Variants in PPP2R3C observed in about 807,000 individuals in gnomAD.
PPP2R3C encodes serine/threonine-protein phosphatase 2A regulatory subunit B'' subunit gamma.
A neutral mutation model predicts 63.7 loss-of-function variants in PPP2R3C; 47 were observed. That is an observed-to-expected ratio of 0.74 (90% confidence interval 0.58 to 0.94). PPP2R3C has a LOEUF of 0.94. Among genes scored for constraint, PPP2R3C ranks in the 40% least tolerant of loss-of-function variants. PPP2R3C has a pLI of 0.00. For missense variants in PPP2R3C, 421 were observed against 518.4 expected (o/e 0.81, Z 1.82); for synonymous variants, 180 against 177.4 (o/e 1.01, Z -0.12).
chr14:35,091,931 G>A (rs2045832900), intron 10 of PPP2R3C, among the ~76,000 whole-genome samples: 1 of 151,862 alleles, frequency 6.6e-6, no homozygotes, highest in Admixed American at 6.6e-5. Flanking sequence ...TGTTACCCAA[G>A]CTGGTCTCAA....
chr14:35,116,679 G>A lies in PPP2R3C; in HGVS notation c.117C>T (p.Tyr39=), dbSNP rs1282244551. ...DEEMDLFTKY[Y]SEWKGGRKNT... ...TTTTTCTACCTCCTTTCCATTCGGA[G>A]TAATATTTTGTAAATAAATCCATTT... Residue 39 remains tyrosine, a synonymous_variant, in exon 2 of 13, where the codon TAC becomes TAT. Transcript: ENST00000261475. 6.3e-7 allele frequency: 1 copy of A among 1,593,514 alleles called. No homozygotes were observed. Among genetic ancestry groups the A allele is most frequent in the Non-Finnish European group, 8.6e-7 (1 of 1,166,386 alleles).
At chr14:35,088,078 A>G (rs2045667628) in intron 11 of PPP2R3C, 68 bp from the exon 12 acceptor site, 1 of 1,070,948 alleles carries the variant, frequency 9.3e-7, no homozygotes, top group Non-Finnish European at 1.4e-6. Flanking sequence ...TTGCCCTACA[A>G]CCCCTTTCTA....
intron 1 of PPP2R3C, among the ~76,000 whole-genome samples, chr14:35,117,828 G>A (rs2046752088): frequency 1.3e-5 from 2 of 152,020 alleles, no homozygotes; most frequent in Non-Finnish European, 2.9e-5. Context: ...CTGAGTGGCT[G>A]GGATTACGGG....
chr14:35,117,666 T>G (rs2046746761), intron 1 of PPP2R3C, among the ~76,000 whole-genome samples: 1 of 152,196 alleles, frequency 6.6e-6, no homozygotes, highest in African/African-American at 2.4e-5. Flanking sequence ...CTTGAATTCC[T>G]TTTATGACTG....
intron 12 of PPP2R3C, chr14:35,087,639 A>T: frequency 3.6e-6 from 1 of 281,042 alleles, no homozygotes; most frequent in Non-Finnish European, 6.9e-6. Context: ...ACCTCGGATG[A>T]TCCGCCCGCC....
intron 5 of PPP2R3C, chr14:35,107,633 G>C (rs994779728): frequency 4.4e-6 from 2 of 456,972 alleles, no homozygotes; most frequent in Non-Finnish European, 7.8e-6. Flanking sequence ...AACAGGGACA[G>C]CTAGTATAAT....
At chr14:35,096,857 A>C in intron 7 of PPP2R3C, 93 bp from the exon 8 acceptor site, 1 of 1,137,184 alleles carries the variant, frequency 8.8e-7, no homozygotes, top group Non-Finnish European at 1.2e-6. Flanking sequence ...GAGCAATCAC[A>C]CAATTGATAT....
At chr14:35,121,734 G>T in intron 1 of PPP2R3C, 168 bp downstream of exon 1, 1 of 721,986 alleles carries the variant, frequency 1.4e-6, no homozygotes, top group Non-Finnish European at 2.2e-6. Flanking sequence ...GAAAGTTTGG[G>T]TCAAACCTAT....
intron 6 of PPP2R3C, among the ~76,000 whole-genome samples, chr14:35,105,488 C>CT (rs372509828): frequency 0.027 from 4,042 of 147,456 alleles, 67 homozygotes; most frequent in Non-Finnish European, 0.032. Context: ...GCCAAAAGGC[C>CT]TTTTTTTTTT....
intron 12 of PPP2R3C, 95 bp from the exon 13 acceptor site, chr14:35,085,873 T>A: frequency 1.0e-6 from 1 of 965,216 alleles, no homozygotes; most frequent in Non-Finnish European, 1.5e-6. Context: ...TCCACTGAAG[T>A]ACAGAGGAAT....
chr14:35,094,352 G>C (rs2045926546), intron 10 of PPP2R3C, among the ~76,000 whole-genome samples: 2 of 151,714 alleles, frequency 1.3e-5, no homozygotes, highest in Non-Finnish European at 2.9e-5. Context: ...TTTATTTTTT[G>C]TAGAGACAGT....
intron 12 of PPP2R3C, 143 bp downstream of exon 12, chr14:35,087,808 A>G: frequency 1.5e-6 from 1 of 652,398 alleles, no homozygotes; most frequent in Non-Finnish European, 2.7e-6. Context: ...TCAGTTCGTA[A>G]TGATTTAAAT....
chr14:35,105,955 G>A (rs1015393068), intron 6 of PPP2R3C, among the ~76,000 whole-genome samples: 3 of 151,438 alleles, frequency 2.0e-5, no homozygotes, highest in African/African-American at 7.3e-5. Flanking sequence ...CCATTCTCCT[G>A]CCTCAGCCTC....
chr14:35,114,591 A>G (rs552722318), intron 2 of PPP2R3C, among the ~76,000 whole-genome samples: 1 of 152,296 alleles, frequency 6.6e-6, no homozygotes, highest in South Asian at 2.1e-4. Context: ...ATAATACTAA[A>G]TAGGTATTTT....
chr14:35,116,672 A>C lies in PPP2R3C; in HGVS notation c.124T>G (p.Trp42Gly). ...TTTGTGTTTTTTCTACCTCCTTTCCATTCGGAGTAATATTTTGTAAATAAA... is the reference window on the plus strand; with the variant it reads ...TTTGTGTTTTTTCTACCTCCTTTCCCTTCGGAGTAATATTTTGTAAATAAA... ...MDLFTKYYSE[W>G]KGGRKNTNEF... The change falls in exon 2 of 13, where the codon TGG (tryptophan) becomes GGG (glycine). Residue 42 changes from tryptophan to glycine, a missense_variant. Physicochemically the swap from Trp to Gly is radical, Grantham distance 184. Transcript: ENST00000261475. 6.3e-7 allele frequency: 1 copy of C among 1,598,178 alleles called. No individual in the cohort carries two copies. The highest frequency in any genetic ancestry group is 8.6e-7 in the Non-Finnish European group (1 of 1,169,134).
At chr14:35,088,222 C>G (rs1375762833) in intron 11 of PPP2R3C, among the ~76,000 whole-genome samples, 1 of 152,076 alleles carries the variant, frequency 6.6e-6, no homozygotes, top group East Asian at 1.9e-4. Context: ...CTTTTTAGAC[C>G]TATATCTTAA....
intron 1 of PPP2R3C, among the ~76,000 whole-genome samples, chr14:35,119,834 G>C (rs1238533012): frequency 6.7e-6 from 1 of 148,598 alleles, no homozygotes; most frequent in Non-Finnish European, 1.5e-5. Context: ...TTAAATAGGA[G>C]CATGGACAGT....
At chr14:35,104,206 G>A (rs2046278296) in intron 6 of PPP2R3C, among the ~76,000 whole-genome samples, 1 of 135,376 alleles carries the variant, frequency 7.4e-6, no homozygotes, top group Non-Finnish European at 1.6e-5. Context: ...CCAGCAGGTG[G>A]CTAATTATGT....
chr14:35,095,049 A>AT lies in PPP2R3C; in HGVS notation c.973dup (p.Met325AsnfsTer4). ...TTAGCAGCAGATTTAAACTACTACC[A>AT]TTTCTCCATCATAAGTGAGACACTC... On this transcript the variant is annotated frameshift_variant and splice_region_variant, in exon 10 of 13. Coordinates refer to ENST00000261475, the MANE Select transcript of PPP2R3C (RefSeq NM_017917.4). LOFTEE classifies it high-confidence loss of function. The AT allele has an allele frequency of 6.2e-7, 1 of 1,604,116 alleles. No homozygotes were observed. The highest frequency in any genetic ancestry group is 8.5e-7 in the Non-Finnish European group (1 of 1,171,132).
Sources: gnomAD v4.1 joint callset for allele counts (sites outside exome capture counted in the v4.1 genomes callset) on GRCh38, gnomAD v4.1.1 for gene constraint, MANE v1.5 for transcripts, NCBI Gene and HGNC (gene_info 2026-07-23, HGNC 2026-07-21) for gene names.